WDPCP: variants seen among roughly 807,000 people sequenced by gnomAD.
WDPCP encodes the protein WD repeat containing planar cell polarity effector, also known as WD repeat-containing and planar cell polarity effector protein fritz homolog.
Under a neutral mutation model 93.1 loss-of-function variants are expected in WDPCP, and 71 were observed. The ratio of observed to expected loss-of-function variants is 0.76; its 90% CI spans 0.63 to 0.93. WDPCP has a LOEUF of 0.93. Among genes scored for constraint, WDPCP ranks in the 40% least tolerant of loss-of-function variants. The pLI is 0.00. For missense variants in WDPCP, 844 were observed against 887.4 expected (o/e 0.95, Z 0.62); for synonymous variants, 315 against 315.0 (o/e 1.00, Z 0.00).
In WDPCP at chr2:63,706,773, C is replaced by T. The variant is rs1488962264; in HGVS notation, n.309-55935G>A. Among the ~76,000 whole-genome samples the T allele has an allele frequency of 8.0e-4, 121 of 151,174 alleles. 2 individuals are homozygous for T. The highest frequency in any genetic ancestry group is 7.5e-4 in the Non-Finnish European group (51 of 67,724). On this transcript the variant is annotated intron_variant and non_coding_transcript_variant, in intron 2 of 4. Transcript: ENST00000467687. ...CTGGGACTACAGGCGCCCGCCACCG[C>T]GCCCGGCTAATTTTTTGTATTTTTA...
intron 2 of WDPCP, among the ~76,000 whole-genome samples, chr2:63,772,099 A>T (rs1358031537): frequency 6.6e-6 from 1 of 152,014 alleles, no homozygotes; most frequent in Non-Finnish European, 1.5e-5. Flanking sequence ...CAGTTCTATT[A>T]GTTCTTTAAG....
At chr2:63,798,418 G>C (rs1028483832) in intron 2 of WDPCP, among the ~76,000 whole-genome samples, 1 of 152,072 alleles carries the variant, frequency 6.6e-6, no homozygotes, top group East Asian at 1.9e-4. Context: ...TAAAAAGCAG[G>C]GGGAAGAAGT....
intron 3 of WDPCP, among the ~76,000 whole-genome samples, chr2:63,615,468 G>A (rs1384871768): frequency 6.6e-6 from 1 of 152,140 alleles, no homozygotes; most frequent in Non-Finnish European, 1.5e-5. Context: ...AAAAGGTAGG[G>A]GTGGGGGCTG....
intron 14 of WDPCP, among the ~76,000 whole-genome samples, chr2:63,241,416 G>C (rs975986012): frequency 1.3e-5 from 2 of 152,162 alleles, no homozygotes; most frequent in Non-Finnish European, 1.5e-5. Context: ...AGTGTAGGAA[G>C]TTAAAGAGTT....
intron 14 of WDPCP, among the ~76,000 whole-genome samples, chr2:63,246,003 C>G (rs1680242014): frequency 6.6e-6 from 1 of 152,092 alleles, no homozygotes; most frequent in Non-Finnish European, 1.5e-5. Context: ...GACGAGTTCA[C>G]TAAGGTCATC....
intron 14 of WDPCP, among the ~76,000 whole-genome samples, chr2:63,189,857 T>A (rs1182344070): frequency 6.6e-6 from 1 of 152,192 alleles, no homozygotes; most frequent in Non-Finnish European, 1.5e-5. Context: ...ACTACATGGA[T>A]CAATTGTACT....
chr2:63,457,760 C>T (rs1698724871), intron 6 of WDPCP, among the ~76,000 whole-genome samples: 1 of 152,282 alleles, frequency 6.6e-6, no homozygotes, highest in East Asian at 1.9e-4. Context: ...AACACTCCTT[C>T]ATGATAAAAA....
intron 13 of WDPCP, among the ~76,000 whole-genome samples, chr2:63,260,703 C>G (rs939542396): frequency 6.6e-6 from 1 of 152,184 alleles, no homozygotes; most frequent in Non-Finnish European, 1.5e-5. Context: ...GCACGCACCA[C>G]CACGCCTGGC....
At chr2:63,527,423 A>G (rs1418913153) in intron 1 of WDPCP, among the ~76,000 whole-genome samples, 1 of 133,526 alleles carries the variant, frequency 7.5e-6, no homozygotes, top group Non-Finnish European at 1.5e-5. Flanking sequence ...CCAGTATCCA[A>G]GTGTTCTCAC....
intron 1 of WDPCP, among the ~76,000 whole-genome samples, chr2:63,521,288 A>G (rs1471884985): frequency 1.3e-5 from 2 of 152,192 alleles, no homozygotes; most frequent in African/African-American, 2.4e-5. Context: ...GCAAAACCCA[A>G]TGATATGCTG....
intron 12 of WDPCP, among the ~76,000 whole-genome samples, chr2:63,330,867 C>CTTTT (rs70965119): frequency 9.2e-5 from 8 of 86,860 alleles, no homozygotes; most frequent in Non-Finnish European, 1.3e-4. Context: ...TTCCCCAAGG[C>CTTTT]TTTTTTTTTT....
At chr2:63,759,546 T>C (rs1381414112) in intron 2 of WDPCP, among the ~76,000 whole-genome samples, 1 of 152,238 alleles carries the variant, frequency 6.6e-6, no homozygotes, top group Non-Finnish European at 1.5e-5. Flanking sequence ...ATCTTTTTCC[T>C]TTCTTCCACT....
In WDPCP at chr2:63,162,268, C is replaced by A. The variant is rs137882722; in HGVS notation, c.2079-8694G>T. On this transcript the variant is annotated intron_variant, in intron 15 of 17. Transcript: ENST00000272321. Reference sequence around the variant, plus strand: ...AATATTCAAGGACTTAATCACTTTTCTGAGGGATTCTATTAATACTTTGAT... The same window carrying A: ...AATATTCAAGGACTTAATCACTTTTATGAGGGATTCTATTAATACTTTGAT... Among the ~76,000 whole-genome samples the A allele has an allele frequency of 1.8e-3, 276 of 151,876 alleles. 2 individuals are homozygous for A. Among genetic ancestry groups the A allele is most frequent in the African/African-American group, 6.3e-3 (259 of 41,438 alleles).
intron 1 of WDPCP, among the ~76,000 whole-genome samples, chr2:63,525,428 TAA>T (rs1703257019): frequency 6.6e-6 from 1 of 152,194 alleles, no homozygotes; most frequent in Non-Finnish European, 1.5e-5. Flanking sequence ...CTAAAAAGAA[TAA>T]AAAGTCTCTT....
At chr2:63,701,925 G>C (rs978181132) in intron 2 of WDPCP, among the ~76,000 whole-genome samples, 1 of 152,154 alleles carries the variant, frequency 6.6e-6, no homozygotes, top group Non-Finnish European at 1.5e-5. Flanking sequence ...ATAAAACCTA[G>C]TGTTTCATAG....
intron 2 of WDPCP, among the ~76,000 whole-genome samples, chr2:63,705,234 C>G (rs1343251701): frequency 6.6e-6 from 1 of 152,082 alleles, no homozygotes; most frequent in East Asian, 1.9e-4. Context: ...TTTTGTTAAT[C>G]TTTTCAAAAA....
chr2:63,133,320 C>T (rs1480822899), intron 17 of WDPCP, among the ~76,000 whole-genome samples: 1 of 152,180 alleles, frequency 6.6e-6, no homozygotes, highest in Non-Finnish European at 1.5e-5. Flanking sequence ...GAGATTAAGG[C>T]CATGCTTGTC....
intron 14 of WDPCP, among the ~76,000 whole-genome samples, chr2:63,199,696 G>T (rs1383592961): frequency 6.6e-6 from 1 of 152,260 alleles, no homozygotes; most frequent in Admixed American, 6.5e-5. Context: ...CCCTCATGGA[G>T]AACTTCTACT....
chr2:63,587,274 G>A (rs1708915683), intron 1 of WDPCP, among the ~76,000 whole-genome samples: 2 of 152,090 alleles, frequency 1.3e-5, no homozygotes, highest in African/African-American at 4.8e-5. Flanking sequence ...GAGAATACAG[G>A]CACCCCAATG....
Sources: gnomAD v4.1 joint callset for allele counts (sites outside exome capture counted in the v4.1 genomes callset) on GRCh38, gnomAD v4.1.1 for gene constraint, MANE v1.5 for transcripts, NCBI Gene and HGNC (gene_info 2026-07-23, HGNC 2026-07-21) for gene names.